Variants in ZC3H7B observed in about 807,000 individuals in gnomAD.
ZC3H7B encodes the protein zinc finger CCCH domain-containing protein 7B.
Under a neutral mutation model 116.0 loss-of-function variants are expected in ZC3H7B, and 35 were observed. The ratio of observed to expected loss-of-function variants is 0.30; its 90% CI spans 0.23 to 0.40. The LOEUF is 0.40. Among genes scored for constraint, ZC3H7B ranks in the 10% least tolerant of loss-of-function variants. The pLI is 1.00. For synonymous variants in ZC3H7B, 502 were observed against 545.6 expected, an observed-to-expected ratio of 0.92 and a Z score of 1.11; for missense variants, 1,011 against 1,321.5, an observed-to-expected ratio of 0.77 and a Z score of 3.64.
chr22:41,327,254 G>A lies in ZC3H7B; in HGVS notation c.334G>A (p.Asp112Asn). 1.2e-6 allele frequency: 2 copies of A among 1,614,084 alleles called. No individual in the cohort carries two copies. Among genetic ancestry groups the A allele is most frequent in the South Asian group, 1.1e-5 (1 of 91,090 alleles). ...LEDSEKALGL[D>N]SESIRALFRK... is the part of the protein sequence containing the mutation. ...GGACAGCGAGAAGGCGCTGGGCCTG[G>A]ACAGTGAGAGTATCCGGGCGTTGTT... The change falls in exon 5 of 23, where the codon GAC becomes AAC. Residue 112 changes from aspartate to asparagine, a missense_variant. By Grantham distance (23) the Asp-to-Asn change is conservative (BLOSUM62 1). Coordinates refer to ENST00000352645, the MANE Select transcript of ZC3H7B (RefSeq NM_017590.6). This position sits in a 1 kb window ranked among gnomAD's most constrained non-coding sequence, Gnocchi z 4.5.
In ZC3H7B at chr22:41,338,852, A is replaced by G; in HGVS notation, c.626-149A>G. On this transcript the variant is annotated intron_variant, in intron 8 of 22. Transcript: ENST00000352645. This position sits in a 1 kb window ranked among gnomAD's most constrained non-coding sequence, Gnocchi z 4.5. ...CTTGACCACCCCCTGAGCATCTGCC[A>G]GTGGGATCAGCCGATGGGGAAGGCA... is the stretch of plus-strand genomic sequence containing the variant. The G allele has an allele frequency of 1.1e-6, 1 of 894,068 alleles. No individual in the cohort carries two copies. The highest frequency in any genetic ancestry group is 1.7e-6 in the Non-Finnish European group (1 of 602,788). 55.4% of individuals were successfully genotyped at this position (894,068 alleles called of 1,614,324 possible).
intron 1 of ZC3H7B, among the ~76,000 whole-genome samples, chr22:41,304,309 C>A (rs1219823400): frequency 6.6e-6 from 1 of 152,078 alleles, no homozygotes; most frequent in East Asian, 1.9e-4. Flanking sequence ...ACTGCAACCT[C>A]TGCCTCCCGG....
At position 41,325,617 on chromosome 22, in the gene ZC3H7B, C is replaced by A. The variant is rs748153273; in HGVS notation, c.87+20C>A. On this transcript the variant is annotated intron_variant, in intron 3 of 22. Transcript: ENST00000352645. ...TATGAGGTGAGTGTCAGCTGCCAGG[C>A]TGAGCAAAGGTGAAGGGCGGAGATG... is the stretch of plus-strand genomic sequence containing the variant. 6.2e-7 allele frequency: 1 copy of A among 1,611,398 alleles called. No homozygotes were observed. Among genetic ancestry groups the A allele is most frequent in the East Asian group, 2.2e-5 (1 of 44,868 alleles).
In ZC3H7B at chr22:41,349,246, C is replaced by A; in HGVS notation, c.1893C>A (p.Cys631Ter). ...VRYGCLREDS[C>*]HFAHSFIELK... ...ACGGCTGCCTGCGGGAGGACAGCTG[C>A]CACTTCGCCCACAGCTTCATCGAGC... The change falls in exon 16 of 23, where the codon TGC (cysteine) becomes TGA (stop). Residue 631 changes from cysteine to a stop codon, truncating the protein, a stop_gained. Coordinates refer to ENST00000352645, the MANE Select transcript of ZC3H7B (RefSeq NM_017590.6). LOFTEE classifies it high-confidence loss of function. This position sits in a 1 kb window ranked among gnomAD's most constrained non-coding sequence, Gnocchi z 4.9. The A allele has an allele frequency of 6.2e-7, 1 of 1,613,764 alleles. No homozygotes were observed. Among genetic ancestry groups the A allele is most frequent in the Non-Finnish European group, 8.5e-7 (1 of 1,180,020 alleles).
intron 1 of ZC3H7B, among the ~76,000 whole-genome samples, chr22:41,308,767 C>T (rs895372742): frequency 3.0e-4 from 46 of 152,328 alleles, no homozygotes; most frequent in Non-Finnish European, 4.3e-4. Flanking sequence ...AGACCAGCCT[C>T]GCCTGCCCCT....
chr22:41,348,909 C>G (rs544575152), intron 15 of ZC3H7B, among the ~76,000 whole-genome samples: 1 of 152,272 alleles, frequency 6.6e-6, no homozygotes, highest in East Asian at 1.9e-4. Flanking sequence ...GGGGGAGGGA[C>G]AGGAGTAAAG....
Position 41,351,415 on chromosome 22 carries a change from C to T in ZC3H7B, c.1949-146C>T, listed in dbSNP as rs2036652368. 1.2e-5 allele frequency: 8 copies of T among 656,540 alleles called. No individual in the cohort carries two copies. The highest frequency in any genetic ancestry group is 1.8e-5 in the Non-Finnish European group (7 of 378,872). 40.7% of individuals were successfully genotyped at this position (656,540 alleles called of 1,614,324 possible). ...TTTTGCAGATGGACAAAGTGGTTCCCTTGTACCCCATGTCTTACTGTGGCT... is the reference window on the plus strand; with the variant it reads ...TTTTGCAGATGGACAAAGTGGTTCCTTTGTACCCCATGTCTTACTGTGGCT... On this transcript the variant is annotated intron_variant, in intron 16 of 22. Transcript: ENST00000352645. The surrounding 1 kb of genome is among the most constrained non-coding windows in gnomAD (Gnocchi z 5.1).
intron 6 of ZC3H7B, among the ~76,000 whole-genome samples, chr22:41,331,475 A>G (rs2145920611): frequency 6.6e-6 from 1 of 150,466 alleles, no homozygotes; most frequent in South Asian, 2.1e-4. Context: ...GAATGGTGTG[A>G]ACCCAGGAGG....
intron 1 of ZC3H7B, among the ~76,000 whole-genome samples, chr22:41,301,995 C>T (rs1466730359): frequency 2.0e-5 from 3 of 152,116 alleles, no homozygotes; most frequent in Non-Finnish European, 4.4e-5. Context: ...TTTTGGGGAT[C>T]CCGGTCCCCG....
chr22:41,310,491 C>T (rs1236281370), intron 1 of ZC3H7B, among the ~76,000 whole-genome samples: 4 of 152,010 alleles, frequency 2.6e-5, no homozygotes, highest in East Asian at 3.9e-4. Context: ...GCACAAGGCA[C>T]GAAAGCAAGC....
chr22:41,339,757 T>C, intron 9 of ZC3H7B, 59 bp from the exon 10 acceptor site: 1 of 1,488,870 alleles, frequency 6.7e-7, no homozygotes, highest in East Asian at 2.3e-5. Flanking sequence ...GTCCTGATGC[T>C]GCCCAGGCCT....
At chr22:41,319,097 C>T (rs1267227589) in intron 1 of ZC3H7B, among the ~76,000 whole-genome samples, 1 of 152,048 alleles carries the variant, frequency 6.6e-6, no homozygotes, top group Non-Finnish European at 1.5e-5. Context: ...GGTGAAACCC[C>T]ATCTGTACTA....
At chr22:41,306,678 A>C (rs1291875577) in intron 1 of ZC3H7B, among the ~76,000 whole-genome samples, 1 of 152,044 alleles carries the variant, frequency 6.6e-6, no homozygotes, top group Non-Finnish European at 1.5e-5. Context: ...CCTTTATTTA[A>C]TTCTTTCAAC....
chr22:41,356,065 G>A lies in ZC3H7B; in HGVS notation c.2383+3G>A, dbSNP rs777919399. The A allele has an allele frequency of 3.8e-6, 6 of 1,562,912 alleles. No individual in the cohort carries two copies. Among genetic ancestry groups the A allele is most frequent in the Non-Finnish European group, 5.2e-6 (6 of 1,160,162 alleles). On this transcript the variant is annotated splice_donor_region_variant and intron_variant, in intron 20 of 22. Transcript: ENST00000352645. ...GACCTTCATGAAGGAGAACAAGAGTGAGTGGGCAGACGGGGCGGGCGGGCC... is the reference window on the plus strand; with the variant it reads ...GACCTTCATGAAGGAGAACAAGAGTAAGTGGGCAGACGGGGCGGGCGGGCC...
At position 41,351,591 on chromosome 22, in the gene ZC3H7B, C is replaced by CT; in HGVS notation, c.1980dup (p.Lys661Ter). 1 of 1,613,972 alleles carries CT rather than the reference C, an allele frequency of 6.2e-7. No homozygotes were observed. The highest frequency in any genetic ancestry group is 8.5e-7 in the Non-Finnish European group (1 of 1,179,984). ...ACCCACGAAGACATCGTTCAGGAGT[C>CT]TAAGAAGTACTGGCAGCAGATGGAG... On this transcript the variant is annotated frameshift_variant, in exon 17 of 23. Coordinates refer to ENST00000352645, the MANE Select transcript of ZC3H7B (RefSeq NM_017590.6). LOFTEE classifies it high-confidence loss of function. This position sits in a 1 kb window ranked among gnomAD's most constrained non-coding sequence, Gnocchi z 5.1.
At chr22:41,340,852 C>A (rs781596998) in intron 10 of ZC3H7B, among the ~76,000 whole-genome samples, 3 of 152,148 alleles carry the variant, frequency 2.0e-5, no homozygotes, top group Non-Finnish European at 4.4e-5. Context: ...CTTTCTCCTA[C>A]GGGCAGCGGG....
At chr22:41,308,127 T>C (rs1476819425) in intron 1 of ZC3H7B, among the ~76,000 whole-genome samples, 1 of 152,142 alleles carries the variant, frequency 6.6e-6, no homozygotes, top group African/African-American at 2.4e-5. Flanking sequence ...GGGTATTGGA[T>C]TCCCTGAGAC....
chr22:41,346,190 C>T lies in ZC3H7B; in HGVS notation c.1647C>T (p.Ile549=). 6.2e-7 allele frequency: 1 copy of T among 1,611,134 alleles called. No homozygotes were observed. Among genetic ancestry groups the T allele is most frequent in the South Asian group, 1.1e-5 (1 of 91,080 alleles). ...AGCTCCTGAAGGAGCACCAGGGCAT[C>T]TTCACCTTCCTCTGCGAGGTACTGC... ...IAKLLKEHQG[I]FTFLCEICFD... is the part of the protein sequence containing the mutation. The change falls in exon 14 of 23, where the codon ATC becomes ATT. Residue 549 remains isoleucine (I), a synonymous_variant. Coordinates refer to ENST00000352645, the MANE Select transcript of ZC3H7B (RefSeq NM_017590.6). This position sits in a 1 kb window ranked among gnomAD's most constrained non-coding sequence, Gnocchi z 5.3.
chr22:41,341,800 A>C (rs1403383964), intron 11 of ZC3H7B, among the ~76,000 whole-genome samples: 1 of 152,018 alleles, frequency 6.6e-6, no homozygotes, highest in Non-Finnish European at 1.5e-5. Flanking sequence ...GTGGTGGCTC[A>C]TGCCTATAAT....
Sources: allele counts gnomAD v4.1 joint callset (sites outside exome capture counted in the v4.1 genomes callset), GRCh38; gene constraint gnomAD v4.1.1; non-coding constraint Gnocchi (gnomAD v3.1); transcripts MANE v1.5; gene names NCBI Gene and HGNC (gene_info 2026-07-23, HGNC 2026-07-21).